EXT2: variants seen among roughly 807,000 people sequenced by gnomAD.
EXT2 encodes exostosin-2.
EXT2 carries 53 observed loss-of-function variants against 81.6 expected under a neutral mutation model. The observed-to-expected ratio is 0.65, with a 90% CI of 0.52 to 0.82. The LOEUF (loss-of-function observed/expected upper bound fraction) is 0.82. Among genes scored for constraint, EXT2 ranks in the 40% least tolerant of loss-of-function variants. EXT2 has a pLI of 0.00. For synonymous variants in EXT2, 320 were observed against 340.0 expected (o/e 0.94, Z 0.65); for missense variants, 774 against 910.2 (o/e 0.85, Z 1.93).
chr11:44,121,962 C>T (rs992429569), intron 4 of EXT2, among the ~76,000 whole-genome samples: 8 of 152,126 alleles, frequency 5.3e-5, no homozygotes, highest in Admixed American at 2.0e-4. Context: ...ATTCCACGTG[C>T]GCCTTCTTCC....
intron 13 of EXT2, among the ~76,000 whole-genome samples, chr11:44,243,845 G>A (rs747988933): frequency 2.0e-5 from 3 of 151,816 alleles, no homozygotes; most frequent in Non-Finnish European, 4.4e-5. Context: ...GGAATTTGAG[G>A]GGGAGGGGAA....
chr11:44,238,220 G>T (rs1955993052), intron 13 of EXT2, among the ~76,000 whole-genome samples: 1 of 152,110 alleles, frequency 6.6e-6, no homozygotes, highest in South Asian at 2.1e-4. Context: ...TAAGAGAAAG[G>T]ATCTTGCTCT....
chr11:44,202,915 G>A (rs1269301953), intron 9 of EXT2, among the ~76,000 whole-genome samples: 1 of 152,176 alleles, frequency 6.6e-6, no homozygotes. Context: ...CTGCCTCATG[G>A]AATCCTAAGG....
intron 9 of EXT2, among the ~76,000 whole-genome samples, chr11:44,202,669 A>G (rs1955535495): frequency 6.6e-6 from 1 of 152,224 alleles, no homozygotes; most frequent in Non-Finnish European, 1.5e-5. Flanking sequence ...CTTTCCAGGG[A>G]AAGCATGGCT....
At chr11:44,123,343 C>T (rs182766335) in intron 4 of EXT2, among the ~76,000 whole-genome samples, 3 of 152,334 alleles carry the variant, frequency 2.0e-5, no homozygotes, top group Admixed American at 1.3e-4. Flanking sequence ...CTCTAGGTTG[C>T]GTGGTGGCGT....
At chr11:44,103,172 C>T (rs1487398529) in intron 1 of EXT2, among the ~76,000 whole-genome samples, 1 of 152,018 alleles carries the variant, frequency 6.6e-6, no homozygotes, top group Non-Finnish European at 1.5e-5. Flanking sequence ...TTTTTCTCCC[C>T]TTTGGCTGCT....
At chr11:44,128,652 A>T (rs971045240) in intron 6 of EXT2, among the ~76,000 whole-genome samples, 2 of 152,122 alleles carry the variant, frequency 1.3e-5, no homozygotes, top group East Asian at 1.9e-4. Context: ...AGAGGCGGTA[A>T]CTCTAAGCTG....
At position 44,246,874 on chromosome 11, in the gene EXT2, A is replaced by AATGT. The variant is rs1956098598; in HGVS notation, c.*2588_*2591dup. Among the ~76,000 whole-genome samples the AATGT allele has an allele frequency of 6.6e-6, 1 of 152,210 alleles. No homozygotes were observed. Among genetic ancestry groups the AATGT allele is most frequent in the Admixed American group, 6.5e-5 (1 of 15,290 alleles). On this transcript the variant is annotated 3_prime_UTR_variant, in exon 14 of 14. Transcript: ENST00000533608. ...GAAGCAGAACAATCATGCTAATTAA[A>AATGT]ATGTCGTGTTCTGGCCTACAGCAGA...
chr11:44,251,775 G>C lies in EXT2; in HGVS notation c.*7488G>C. ...AAAATAAAAAAACCTGATGTGATGG[G>C]TTCCTTCAGTCAACAAATACTTATT... On this transcript the variant is annotated 3_prime_UTR_variant, in exon 14 of 14. Transcript: ENST00000533608. Among the ~76,000 whole-genome samples the C allele has an allele frequency of 6.6e-6, 1 of 152,050 alleles. No homozygotes were observed. Among genetic ancestry groups the C allele is most frequent in the Admixed American group, 6.6e-5 (1 of 15,264 alleles).
intron 5 of EXT2, 30 bp downstream of exon 5, chr11:44,125,014 G>C: frequency 6.2e-7 from 1 of 1,605,100 alleles, no homozygotes; most frequent in African/African-American, 1.3e-5. Flanking sequence ...TCTCGCAAAG[G>C]CTCAGGAGAG....
Position 44,247,243 on chromosome 11 carries a change from CTTTTTTTTTT to C in EXT2, c.*2967_*2976del, listed in dbSNP as rs11421737. ...CCTGCCAGTGATGCTCTGCTGTATC[CTTTTTTTTTT>C]TTTTTTTTTTGAGACAGAGTCTTGC... On this transcript the variant is annotated 3_prime_UTR_variant, in exon 14 of 14. Coordinates refer to ENST00000533608, the MANE Select transcript of EXT2 (RefSeq NM_207122.2). 8.7e-6 allele frequency among the ~76,000 whole-genome samples: 1 copy of C among 115,182 alleles called. No homozygotes were observed. Among genetic ancestry groups the C allele is most frequent in the South Asian group, 2.9e-4 (1 of 3,508 alleles). 75.6% of individuals were successfully genotyped at this position (115,182 alleles called of 152,430 possible).
intron 1 of EXT2, chr11:44,096,388 C>T: frequency 6.8e-7 from 1 of 1,460,288 alleles, no homozygotes; most frequent in East Asian, 2.5e-5. Flanking sequence ...AGGCCGGGGA[C>T]TGGGTGACCG....
chr11:44,190,217 G>A (rs1955373531), intron 8 of EXT2, among the ~76,000 whole-genome samples: 1 of 152,174 alleles, frequency 6.6e-6, no homozygotes, highest in Non-Finnish European at 1.5e-5. Context: ...TGGATGAGAG[G>A]CATGATGAAA....
chr11:44,107,277 C>T lies in EXT2; in HGVS notation c.-30-406C>T, dbSNP rs540883785. Among the ~76,000 whole-genome samples the T allele has an allele frequency of 1.6e-4, 24 of 151,978 alleles. 1 individual carries two copies. The highest frequency in any genetic ancestry group is 5.5e-4 in the African/African-American group (23 of 41,446). On this transcript the variant is annotated intron_variant, in intron 1 of 13. Transcript: ENST00000533608. Reference sequence around the variant, plus strand: ...GTCCCTTTTTGTTATTTCACCACACCACTTAAGGGAAAGAAATAGGTACAT... The same window carrying T: ...GTCCCTTTTTGTTATTTCACCACACTACTTAAGGGAAAGAAATAGGTACAT...
chr11:44,124,669 C>T (rs1307186725), intron 4 of EXT2, 120 bp from the exon 5 acceptor site: 2 of 751,538 alleles, frequency 2.7e-6, no homozygotes, highest in Non-Finnish European at 4.7e-6. Context: ...TTTTAAAAAT[C>T]AGTGGAGGTG....
At chr11:44,102,229 T>C (rs1040087915) in intron 1 of EXT2, among the ~76,000 whole-genome samples, 7 of 152,212 alleles carry the variant, frequency 4.6e-5, no homozygotes, top group Non-Finnish European at 2.9e-5. Context: ...TTTATAGGGC[T>C]GTTGAATATA....
chr11:44,100,615 C>T (rs951371724), intron 1 of EXT2, among the ~76,000 whole-genome samples: 5 of 152,182 alleles, frequency 3.3e-5, no homozygotes, highest in Non-Finnish European at 7.4e-5. Context: ...CAGACATGAA[C>T]TCAGGGTTCA....
chr11:44,130,193 G>T, intron 7 of EXT2, 55 bp downstream of exon 7: 1 of 1,398,822 alleles, frequency 7.1e-7, no homozygotes, highest in South Asian at 1.2e-5. Context: ...TGGTGGCCTT[G>T]ACTGGATACA....
chr11:44,197,711 C>T, intron 8 of EXT2, 118 bp from the exon 9 acceptor site: 2 of 1,020,612 alleles, frequency 2.0e-6, no homozygotes, highest in South Asian at 2.6e-5. Flanking sequence ...TTGCTTAGCT[C>T]TGGGATCTGT....
Sources: gnomAD v4.1 joint callset for allele counts (sites outside exome capture counted in the v4.1 genomes callset) on GRCh38, gnomAD v4.1.1 for gene constraint, MANE v1.5 for transcripts, NCBI Gene and HGNC (gene_info 2026-07-23, HGNC 2026-07-21) for gene names.